ZNF536: variants seen among roughly 807,000 people sequenced by gnomAD.
ZNF536 encodes the protein zinc finger protein 536.
A neutral mutation model predicts 84.5 loss-of-function variants in ZNF536; 13 were observed. The ratio of observed to expected loss-of-function variants is 0.15; its 90% CI spans 0.10 to 0.24. The LOEUF (loss-of-function observed/expected upper bound fraction) is 0.24, where lower values mean the gene tolerates loss of function less well. Among genes scored for constraint, ZNF536 ranks in the 10% least tolerant of loss-of-function variants. The pLI is 1.00. For synonymous variants in ZNF536, 811 were observed against 742.5 expected, an observed-to-expected ratio of 1.09 and a Z score of -1.50; for missense variants, 1,536 against 1,747.5, an observed-to-expected ratio of 0.88 and a Z score of 2.16.
At chr19:30,644,525 C>T (rs1383527813) in intron 1 of ZNF536, among the ~76,000 whole-genome samples, 2 of 152,108 alleles carry the variant, frequency 1.3e-5, no homozygotes, top group African/African-American at 4.8e-5. Flanking sequence ...CATCCTCCCA[C>T]CCCACAACAG....
chr19:30,588,425 T>A (rs1599896475), intron 1 of ZNF536, among the ~76,000 whole-genome samples: 1 of 152,156 alleles, frequency 6.6e-6, no homozygotes, highest in Admixed American at 6.5e-5. Flanking sequence ...AGGAGGAGAT[T>A]GGCAGACTAA....
chr19:30,685,761 C>T (rs780111045), intron 1 of ZNF536, among the ~76,000 whole-genome samples: 14 of 152,176 alleles, frequency 9.2e-5, no homozygotes, highest in Non-Finnish European at 1.5e-4. Flanking sequence ...CAGCCGCTGC[C>T]GCCGTCCTCC....
chr19:30,299,841 C>T (rs1431270390), intron 2 of ZNF536, among the ~76,000 whole-genome samples: 1 of 151,996 alleles, frequency 6.6e-6, no homozygotes, highest in Non-Finnish European at 1.5e-5. Context: ...TTTTTATTAC[C>T]TTAAAAATGA....
intron 2 of ZNF536, among the ~76,000 whole-genome samples, chr19:30,324,188 A>G (rs563812632): frequency 1.3e-5 from 2 of 151,802 alleles, no homozygotes; most frequent in East Asian, 1.9e-4. Flanking sequence ...TCCATTATCT[A>G]TTCATCCAAT....
intron 1 of ZNF536, among the ~76,000 whole-genome samples, chr19:30,415,391 T>C (rs999316526): frequency 6.7e-6 from 1 of 150,096 alleles, no homozygotes; most frequent in African/African-American, 2.5e-5. Flanking sequence ...TCCTTCTTCT[T>C]CTCCTCCTTC....
chr19:30,345,755 G>A (rs993840837), intron 2 of ZNF536, among the ~76,000 whole-genome samples: 1 of 152,168 alleles, frequency 6.6e-6, no homozygotes, highest in Non-Finnish European at 1.5e-5. Flanking sequence ...ACCCACCAGC[G>A]GGAGCCACAG....
At chr19:30,671,533 G>A (rs1284636552) in intron 1 of ZNF536, among the ~76,000 whole-genome samples, 1 of 152,142 alleles carries the variant, frequency 6.6e-6, no homozygotes, top group African/African-American at 2.4e-5. Flanking sequence ...AGAGCAGGAA[G>A]AACTGAGGGA....
chr19:30,668,916 A>G (rs1284531479), intron 1 of ZNF536, among the ~76,000 whole-genome samples: 2 of 152,328 alleles, frequency 1.3e-5, no homozygotes, highest in East Asian at 3.9e-4. Context: ...AAATGCCCAG[A>G]AGAAGGAGCC....
chr19:30,253,076 G>C (rs954752540), intron 1 of ZNF536, among the ~76,000 whole-genome samples: 4 of 152,146 alleles, frequency 2.6e-5, no homozygotes. Flanking sequence ...ATTCCAGTTG[G>C]AACCATCACC....
chr19:30,585,986 G>A (rs549900263), intron 1 of ZNF536, among the ~76,000 whole-genome samples: 7 of 152,078 alleles, frequency 4.6e-5, no homozygotes, highest in East Asian at 1.9e-4. Context: ...GAGCTCATAC[G>A]TATCAGTCAA....
At chr19:30,226,507 C>T (rs1261332938), upstream of ZNF536, among the ~76,000 whole-genome samples, 6 of 151,958 alleles carry the variant, frequency 3.9e-5, no homozygotes, top group Non-Finnish European at 8.8e-5. The surrounding 1 kb of genome is among the most constrained non-coding windows in gnomAD (Gnocchi z 4.6). Flanking sequence ...TCCTGTGCCC[C>T]GGGAGCCTGG....
At chr19:30,373,655 A>T (rs2048695670) in intron 1 of ZNF536, among the ~76,000 whole-genome samples, 2 of 152,204 alleles carry the variant, frequency 1.3e-5, no homozygotes, top group East Asian at 3.8e-4. Flanking sequence ...CCTCAATGAG[A>T]GCACACCTGG....
intron 1 of ZNF536, among the ~76,000 whole-genome samples, chr19:30,261,911 G>C (rs1036341235): frequency 1.3e-5 from 2 of 152,090 alleles, no homozygotes; most frequent in African/African-American, 4.8e-5. Context: ...GCACCCAGCA[G>C]AAGTGTGGCT....
rs146651760 is a variant in ZNF536 at position 30,313,275 on chromosome 19, G to A, written c.-120+29134G>A. Reference sequence around the variant, plus strand: ...CAGGCGCCTTGTACAGTGAGCTTTCGGGTCAAACCTTTCCTGACACAGCTG... The same window carrying A: ...CAGGCGCCTTGTACAGTGAGCTTTCAGGTCAAACCTTTCCTGACACAGCTG... On this transcript the variant is annotated intron_variant, in intron 2 of 5. Coordinates refer to the ZNF536 transcript ENST00000585628. Among the ~76,000 whole-genome samples, 15 of 152,144 alleles carry A rather than the reference G, an allele frequency of 9.9e-5. 1 individual carries two copies. In the South Asian group the frequency reaches 1.5e-3, roughly 15 times the overall value.
intron 1 of ZNF536, among the ~76,000 whole-genome samples, chr19:30,583,675 G>A (rs1962030665): frequency 6.6e-6 from 1 of 152,182 alleles, no homozygotes; most frequent in Admixed American, 6.5e-5. Flanking sequence ...CCTTGAAGGG[G>A]CTGTAGTCCT....
chr19:30,478,765 G>A (rs531459653), intron 2 of ZNF536, among the ~76,000 whole-genome samples: 57 of 152,306 alleles, frequency 3.7e-4, no homozygotes, highest in African/African-American at 1.4e-3. Context: ...CCAAGGCCAA[G>A]GGACAAAATG....
intron 2 of ZNF536, among the ~76,000 whole-genome samples, chr19:30,449,512 G>A (rs2052499754): frequency 6.6e-6 from 1 of 152,116 alleles, no homozygotes; most frequent in African/African-American, 2.4e-5. Flanking sequence ...AAAACTTAAT[G>A]TACTAAGAAA....
In ZNF536 at chr19:30,283,630, C is replaced by T. The variant is rs183473826; in HGVS notation, c.-189-442C>T. On this transcript the variant is annotated intron_variant, in intron 1 of 5. Transcript: ENST00000585628. ...GTTGAAATTTGGGTGGAATTTTGGT[C>T]TACTGTAGAGGGCTCCATAAATCAA... Among the ~76,000 whole-genome samples, 341 of 152,140 alleles carry T rather than the reference C, an allele frequency of 2.2e-3. 1 individual carries two copies. The highest frequency in any genetic ancestry group is 4.1e-3 in the Admixed American group (62 of 15,282).
At chr19:30,227,010 G>T (rs1348834670), upstream of ZNF536, among the ~76,000 whole-genome samples, 1 of 152,042 alleles carries the variant, frequency 6.6e-6, no homozygotes, top group African/African-American at 2.4e-5. Context: ...TTAGGGTTGG[G>T]GGAGAGCTTT....
Sources: allele counts gnomAD v4.1 joint callset (sites outside exome capture counted in the v4.1 genomes callset), GRCh38; gene constraint gnomAD v4.1.1; non-coding constraint Gnocchi (gnomAD v3.1); transcripts MANE v1.5; gene names NCBI Gene and HGNC (gene_info 2026-07-23, HGNC 2026-07-21).